Variants in IL24 observed in about 807,000 individuals in gnomAD.
IL24 encodes the protein interleukin-24.
In IL24, 24 loss-of-function variants were observed where a neutral mutation model predicts 27.6. That is an observed-to-expected ratio of 0.87 (90% confidence interval 0.63 to 1.22). The LOEUF is 1.22. IL24 is among the 50% of genes most tolerant of loss of function. The pLI, the probability that IL24 is intolerant of heterozygous loss-of-function variation, is 0.00. For synonymous variants in IL24, 99 were observed against 93.1 expected (o/e 1.06, Z -0.36); for missense variants, 240 against 237.0 (o/e 1.01, Z -0.08).
rs1392304504 is a variant in IL24, at chr1:206,900,311, T to C, written c.257T>C (p.Ile86Thr). The C allele has an allele frequency of 2.5e-6, 4 of 1,613,674 alleles. No individual in the cohort carries two copies. The highest frequency in any genetic ancestry group is 3.4e-6 in the Non-Finnish European group (4 of 1,179,910). ...TTTGCCAAGCAAGCTCAGGATAACA[T>C]CACGAGTGCCCGGCTGCTGCAGCAG... is the stretch of plus-strand genomic sequence containing the variant. ...VKDTMQAQDN[I>T]TSARLLQQEV... The change falls in exon 4 of 7, where the codon ATC becomes ACC. Residue 86 changes from isoleucine to threonine, a missense_variant. By Grantham distance (89) the Ile-to-Thr change is moderately conservative. Transcript: ENST00000294984.
At chr1:206,901,446 C>A in intron 4 of IL24, 48 bp from the exon 5 acceptor site, 1 of 1,566,120 alleles carries the variant, frequency 6.4e-7, no homozygotes, top group South Asian at 1.2e-5. Flanking sequence ...TTCAGGGGGT[C>A]AGGGTGGGCA....
chr1:206,903,204 G>A lies in IL24; in HGVS notation c.*145G>A. The A allele has an allele frequency of 1.4e-6, 1 of 700,096 alleles. No individual in the cohort carries two copies. Among genetic ancestry groups the A allele is most frequent in the South Asian group, 1.8e-5 (1 of 55,928 alleles). 43.4% of individuals were successfully genotyped at this position (700,096 alleles called of 1,614,324 possible). On this transcript the variant is annotated 3_prime_UTR_variant, in exon 7 of 7. Transcript: ENST00000294984. ...TTGGCCCAGGATTATTGTCAAAGAA[G>A]TCATTCTTTAAGCAGCGCCAGTGAC...
At chr1:206,902,174 G>T in intron 6 of IL24, 102 bp downstream of exon 6, 1 of 1,523,730 alleles carries the variant, frequency 6.6e-7, no homozygotes, top group Non-Finnish European at 8.8e-7. Context: ...TAATGCAGGG[G>T]ACACCATCAG....
At chr1:206,901,892 C>A in intron 5 of IL24, 106 bp from the exon 6 acceptor site, 2 of 1,169,830 alleles carry the variant, frequency 1.7e-6, no homozygotes, top group Non-Finnish European at 2.5e-6. Flanking sequence ...CAGCCCTGGG[C>A]TCTCAGGCTT....
At chr1:206,902,733 C>T (rs1267521468) in intron 6 of IL24, 4 of 985,214 alleles carry the variant, frequency 4.1e-6, no homozygotes, top group Non-Finnish European at 3.6e-6. Context: ...GTTAGGGGTG[C>T]CATATGTCTT....
intron 3 of IL24, among the ~76,000 whole-genome samples, chr1:206,899,893 C>T (rs1235331114): frequency 6.6e-6 from 1 of 152,144 alleles, no homozygotes; most frequent in Non-Finnish European, 1.5e-5. Flanking sequence ...AGGCTGTCCT[C>T]CCTCACATCC....
intron 6 of IL24, chr1:206,902,393 A>AGGGGGGGGGGG: frequency 5.0e-6 from 2 of 401,782 alleles, no homozygotes; most frequent in Non-Finnish European, 6.6e-6. Flanking sequence ...GAAGGGAGAC[A>AGGGGGGGGGGG]CCCCACCCCC....
At chr1:206,899,208 C>T in intron 2 of IL24, 112 bp from the exon 3 acceptor site, 1 of 1,090,200 alleles carries the variant, frequency 9.2e-7, no homozygotes, top group Non-Finnish European at 1.3e-6. Context: ...TCAACTTGCC[C>T]ATTGGAGAGT....
chr1:206,897,596 C>T lies in IL24; in HGVS notation c.-122C>T, dbSNP rs3093417. The stretch of plus-strand genomic sequence containing the variant: ...TGCCTCCAGGCAGCCAGCCCTCAAG[C>T]ATCACTTACAGGACCAGAGGTGAGC... On this transcript the variant is annotated 5_prime_UTR_variant, in exon 1 of 7. Coordinates refer to ENST00000294984, the MANE Select transcript of IL24 (RefSeq NM_006850.3). The T allele has an allele frequency of 0.015, 5,089 of 345,116 alleles. 231 individuals carry two copies. The highest frequency in any genetic ancestry group is 0.095 in the African/African-American group (4,408 of 46,552). The allele number at this position is 345,116 out of a possible 1,614,324, so 21.4% of individuals were successfully genotyped here.
intron 6 of IL24, 140 bp downstream of exon 6, chr1:206,902,212 A>G: frequency 7.1e-7 from 1 of 1,414,202 alleles, no homozygotes; most frequent in Non-Finnish European, 9.2e-7. Context: ...CTGACTTAGC[A>G]GGAGCACAGT....
chr1:206,902,547 A>G (rs1678432800), intron 6 of IL24: 3 of 978,336 alleles, frequency 3.1e-6, no homozygotes, highest in South Asian at 9.4e-5. Context: ...CCCCCTAAAA[A>G]CATAAATGAT....
intron 3 of IL24, among the ~76,000 whole-genome samples, chr1:206,900,006 A>C (rs1222088780): frequency 6.6e-6 from 1 of 152,152 alleles, no homozygotes; most frequent in African/African-American, 2.4e-5. Flanking sequence ...GAGGCATCAA[A>C]CTGCTTCCTT....
chr1:206,899,534 T>G lies in IL24; in HGVS notation c.240+19T>G. On this transcript the variant is annotated intron_variant, in intron 3 of 6. Transcript: ENST00000294984. ...CACTATGGTGAGTAAAGTGCTGTTC[T>G]GGACCCAGTCGTGGGGGTTCCTGGG... 2 of 1,545,532 alleles carry G rather than the reference T, an allele frequency of 1.3e-6. No homozygotes were observed. The highest frequency in any genetic ancestry group is 1.7e-6 in the Non-Finnish European group (2 of 1,145,350).
chr1:206,901,725 C>A (rs1678390121), intron 5 of IL24, 73 bp downstream of exon 5: 8 of 1,349,922 alleles, frequency 5.9e-6, no homozygotes, highest in Non-Finnish European at 8.3e-6. Flanking sequence ...TGCTGGGTGA[C>A]CCTCTGCAAA....
At chr1:206,897,966 A>T in intron 2 of IL24, 90 bp downstream of exon 2, 1 of 694,770 alleles carries the variant, frequency 1.4e-6, no homozygotes. Flanking sequence ...CAGCCTGGCC[A>T]ACATGGTGAA....
At chr1:206,899,233 C>G (rs919737335) in intron 2 of IL24, 87 bp from the exon 3 acceptor site, 16 of 1,391,598 alleles carry the variant, frequency 1.1e-5, no homozygotes, top group Non-Finnish European at 1.6e-5. Context: ...GAGATTGGCC[C>G]GGGGAGACCC....
chr1:206,897,924 G>A (rs746852275), intron 2 of IL24, 48 bp downstream of exon 2: 4 of 1,287,822 alleles, frequency 3.1e-6, no homozygotes, highest in Non-Finnish European at 4.4e-6. Context: ...AGGCTGAGGT[G>A]GGCAGATCAT....
At chr1:206,901,922 A>G in intron 5 of IL24, 76 bp from the exon 6 acceptor site, 3 of 1,443,496 alleles carry the variant, frequency 2.1e-6, no homozygotes, top group Non-Finnish European at 2.9e-6. Context: ...CTGTGGCATC[A>G]GCAGGAAAAC....
At chr1:206,902,334 T>C in intron 6 of IL24, 1 of 985,394 alleles carries the variant, frequency 1.0e-6, no homozygotes, top group Non-Finnish European at 1.2e-6. Flanking sequence ...TTTCCCTGTG[T>C]TTTGTAGGTA....
Sources: allele counts gnomAD v4.1 joint callset (sites outside exome capture counted in the v4.1 genomes callset), GRCh38; gene constraint gnomAD v4.1.1; transcripts MANE v1.5; gene names NCBI Gene and HGNC (gene_info 2026-07-23, HGNC 2026-07-21).